Variants in FAM3A observed in about 807,000 individuals in gnomAD.
FAM3A encodes protein FAM3A.
A neutral mutation model predicts 18.1 loss-of-function variants in FAM3A; 5 were observed. That is an observed-to-expected ratio of 0.28 (90% CI 0.14 to 0.58). The LOEUF (loss-of-function observed/expected upper bound fraction) is 0.58, where lower values mean the gene tolerates loss of function less well. FAM3A is among the 20% of genes least tolerant of loss of function. The pLI is 0.91. For synonymous variants in FAM3A, 108 were observed against 90.2 expected, an observed-to-expected ratio of 1.20 and a Z score of -1.12; for missense variants, 154 against 216.6, an observed-to-expected ratio of 0.71 and a Z score of 1.81.
intron 5 of FAM3A, 164 bp from the exon 6 acceptor site, chrX:154,508,025 G>A (rs1557220177): frequency 3.8e-6 from 2 of 528,135 alleles, no homozygotes; most frequent in South Asian, 3.1e-5. Flanking sequence ...AAGCCGTGGT[G>A]CCTCTGTCTG....
At chrX:154,514,160 G>A (rs1015658444) in intron 1 of FAM3A, among the ~76,000 whole-genome samples, 2 of 111,288 alleles carry the variant, frequency 1.8e-5, no homozygotes, top group African/African-American at 3.3e-5. Flanking sequence ...TAGTTAGATC[G>A]TCTCCTCTAC....
In FAM3A at chrX:154,508,593, T is replaced by C; in HGVS notation, c.156A>G (p.Pro52=). The change falls in exon 4 of 9, where the codon CCA becomes CCG. Residue 52 remains proline, a synonymous_variant. Coordinates refer to ENST00000447601, the MANE Select transcript of FAM3A (RefSeq NM_021806.4). ...GGCCACACTTGTACTTCCTGGCCCG[T>C]GGCGCTGGGCAGGGATAGCAGGTGT... is the stretch of plus-strand genomic sequence containing the variant. The part of the protein sequence containing the change: ...TSPESSVTAA[P]RARKYKCGLP... 8.4e-7 allele frequency: 1 copy of C among 1,189,075 alleles called. No homozygotes were observed. The highest frequency in any genetic ancestry group is 1.7e-5 in the African/African-American group (1 of 57,591).
At chrX:154,508,213 G>C (rs1557220271) in intron 5 of FAM3A, 76 bp downstream of exon 5, 1 of 798,585 alleles carries the variant, frequency 1.3e-6, no homozygotes, top group East Asian at 3.5e-5. Flanking sequence ...GGGGAAGGGA[G>C]GGCAAACACC....
At position 154,511,794 on chromosome X, in the gene FAM3A, G is replaced by A. The variant is rs782202107; in HGVS notation, c.151+54C>T. On this transcript the variant is annotated intron_variant, in intron 3 of 8. Coordinates refer to ENST00000447601, the MANE Select transcript of FAM3A (RefSeq NM_021806.4). ...GAAAACCGAAGCCCTACGGGACCGG[G>A]GGCAGGCAGGGATGTCACAAAGGGG... The A allele has an allele frequency of 1.0e-5, 12 of 1,143,570 alleles. No homozygotes were observed. In the East Asian group the frequency reaches 2.1e-4, roughly 20 times the overall value. 94.2% of individuals were successfully genotyped at this position (1,143,570 alleles called of 1,213,427 possible).
chrX:154,512,945 A>C lies in FAM3A; in HGVS notation c.14-9T>G. 1 of 1,163,985 alleles carries C rather than the reference A, an allele frequency of 8.6e-7. No homozygotes were observed. The highest frequency in any genetic ancestry group is 1.2e-6 in the Non-Finnish European group (1 of 852,235). Reference sequence around the variant, plus strand: ...CACAATGCGGAGAGGGCCTGGAGGCAGGATAGACACAGGGTGGGGTCACCT... The same window carrying C: ...CACAATGCGGAGAGGGCCTGGAGGCCGGATAGACACAGGGTGGGGTCACCT... On this transcript the variant is annotated splice_polypyrimidine_tract_variant and intron_variant, in intron 1 of 8. Transcript: ENST00000447601.
chrX:154,515,559 G>A (rs1569556007), intron 1 of FAM3A, among the ~76,000 whole-genome samples: 1 of 112,339 alleles, frequency 8.9e-6, no homozygotes, highest in Non-Finnish European at 1.9e-5. Context: ...TAATCCTCAT[G>A]TCATAGCTCG....
chrX:154,509,239 G>A, intron 3 of FAM3A: 1 of 135,305 alleles, frequency 7.4e-6, no homozygotes, highest in East Asian at 1.9e-4. Flanking sequence ...TGGAGGAAGA[G>A]ACAGGAGTGA....
chrX:154,512,762 C>G, intron 2 of FAM3A, 61 bp downstream of exon 2: 1 of 858,640 alleles, frequency 1.2e-6, no homozygotes, highest in Admixed American at 2.4e-5. Context: ...GCCTCAACCA[C>G]AGGCCCAGGT....
intron 3 of FAM3A, chrX:154,511,513 T>C (rs1393985413): frequency 4.4e-6 from 1 of 228,879 alleles, no homozygotes; most frequent in African/African-American, 2.8e-5. Context: ...GAAGAAAGAA[T>C]CTCAGGCCAC....
At chrX:154,507,657 G>A in intron 6 of FAM3A, 154 bp downstream of exon 6, 1 of 804,785 alleles carries the variant, frequency 1.2e-6, no homozygotes, top group Non-Finnish European at 1.8e-6. Flanking sequence ...ACCTCCCACA[G>A]CCTCCAGACC....
At chrX:154,514,127 C>A (rs1272292960) in intron 1 of FAM3A, among the ~76,000 whole-genome samples, 1 of 111,619 alleles carries the variant, frequency 9.0e-6, no homozygotes, top group Non-Finnish European at 1.9e-5. Flanking sequence ...GACCCAATCT[C>A]TCTGGACACT....
intron 3 of FAM3A, 100 bp downstream of exon 3, chrX:154,511,748 T>G: frequency 1.2e-6 from 1 of 818,592 alleles, no homozygotes. Context: ...CCACCACAGC[T>G]GGTTTGGGGA....
chrX:154,506,693 G>A lies in FAM3A; in HGVS notation c.*118C>T. 1 of 547,073 alleles carries A rather than the reference G, an allele frequency of 1.8e-6. No individual in the cohort carries two copies. Among genetic ancestry groups the A allele is most frequent in the Non-Finnish European group, 3.0e-6 (1 of 330,167 alleles). 45.1% of individuals were successfully genotyped at this position (547,073 alleles called of 1,213,427 possible). ...CACTGCCTCGGAGCCCCGATGTGTT[G>A]GGGCCAGGGAGCGCTCCTGCCCGGG... On this transcript the variant is annotated 3_prime_UTR_variant, in exon 9 of 9. Coordinates refer to ENST00000447601, the MANE Select transcript of FAM3A (RefSeq NM_021806.4).
rs1337961407 is a variant in FAM3A at position 154,506,593 on chromosome X, C to T, written c.*218G>A. The T allele has an allele frequency of 1.7e-5, 7 of 421,523 alleles. No individual in the cohort carries two copies. Among genetic ancestry groups the T allele is most frequent in the Non-Finnish European group, 2.5e-5 (6 of 240,759 alleles). 34.7% of individuals were successfully genotyped at this position (421,523 alleles called of 1,213,427 possible). A position where few individuals can be genotyped will look rare whatever the true frequency, so the allele number is the denominator to read the frequency against. On this transcript the variant is annotated 3_prime_UTR_variant, in exon 9 of 9. Transcript: ENST00000447601. ...ACGAAAAGGAGGCGGGTACCCTGGG[C>T]TCCCGTGACAAAGTGCGGCAGGGCT...
chrX:154,515,831 G>A lies in FAM3A; in HGVS notation c.-59C>T. 4.2e-6 allele frequency: 5 copies of A among 1,186,517 alleles called. No homozygotes were observed. Among genetic ancestry groups the A allele is most frequent in the South Asian group, 1.8e-5 (1 of 56,405 alleles). On this transcript the variant is annotated 5_prime_UTR_variant, in exon 1 of 9. Transcript: ENST00000447601. The stretch of plus-strand genomic sequence containing the variant: ...AAGTGCACTGTTTGGGGGCAAAGCG[G>A]AAGGACAGGTTTGGGTGGGGGTCAG...
At chrX:154,507,542 C>T in intron 6 of FAM3A, 52 bp from the exon 7 acceptor site, 1 of 1,110,639 alleles carries the variant, frequency 9.0e-7, no homozygotes, top group Non-Finnish European at 1.2e-6. Flanking sequence ...ACTGAGCACC[C>T]TCCCACAAGC....
chrX:154,515,996 T>C lies in FAM3A; in HGVS notation c.-224A>G, dbSNP rs984050930. The stretch of plus-strand genomic sequence containing the variant: ...GGCCAGGAGGGGCCTCAGGAACCCG[T>C]TGGCTCACGATCTTGCCCACAGGAG... On this transcript the variant is annotated 5_prime_UTR_variant, in exon 1 of 9. Coordinates refer to ENST00000447601, the MANE Select transcript of FAM3A (RefSeq NM_021806.4). The C allele has an allele frequency of 1.6e-5, 7 of 431,479 alleles. No homozygotes were observed. Among genetic ancestry groups the C allele is most frequent in the South Asian group, 6.7e-5 (2 of 29,943 alleles). 35.6% of individuals were successfully genotyped at this position (431,479 alleles called of 1,213,427 possible).
Position 154,507,875 on chromosome X carries a change from GA to G in FAM3A, c.335-15del. On this transcript the variant is annotated splice_polypyrimidine_tract_variant and intron_variant, in intron 5 of 8. Transcript: ENST00000447601. The stretch of plus-strand genomic sequence containing the variant: ...CGCCGCTGACCCCTGTGTCAGGAGG[GA>G]GGGGCCCTGCTGGGTAAGCCAGGCC... 1 of 1,186,483 alleles carries G rather than the reference GA, an allele frequency of 8.4e-7. No homozygotes were observed. Among genetic ancestry groups the G allele is most frequent in the Non-Finnish European group, 1.1e-6 (1 of 882,068 alleles).
chrX:154,508,370 G>GGGGGGGGGCCCCCCCCCCCCCCC, intron 4 of FAM3A, 23 bp from the exon 5 acceptor site: 1 of 317,094 alleles, frequency 3.2e-6, no homozygotes, highest in Non-Finnish European at 5.5e-6. Context: ...GGGTGGGGGG[G>GGGGGGGGGCCCCCCCCCCCCCCC]ACGGGGAGAT....
Sources: allele counts gnomAD v4.1 joint callset (sites outside exome capture counted in the v4.1 genomes callset), GRCh38; gene constraint gnomAD v4.1.1; transcripts MANE v1.5; gene names NCBI Gene and HGNC (gene_info 2026-07-23, HGNC 2026-07-21).